WWOX: variants seen among roughly 807,000 people sequenced by gnomAD.
The protein encoded by WWOX is WW domain-containing oxidoreductase.
WWOX carries 69 observed loss-of-function variants against 46.2 expected under a neutral mutation model. The observed-to-expected ratio is 1.49, with a 90% CI of 1.23 to 1.82. The LOEUF (loss-of-function observed/expected upper bound fraction) is 1.82. Ranked by LOEUF, WWOX falls within the 40% of genes most tolerant of loss-of-function variation. The pLI, the probability that WWOX is intolerant of heterozygous loss-of-function variation, is 0.00. For missense variants in WWOX, 919 were observed against 542.6 expected, an observed-to-expected ratio of 1.69 and a Z score of -6.89; for synonymous variants, 359 against 202.6, an observed-to-expected ratio of 1.77 and a Z score of -6.56.
At chr16:78,396,449 C>G (rs965280126) in intron 6 of WWOX, among the ~76,000 whole-genome samples, 2 of 152,200 alleles carry the variant, frequency 1.3e-5, no homozygotes, top group Admixed American at 6.5e-5. Flanking sequence ...TTAACTATCA[C>G]TATCATCTTT....
chr16:78,982,441 G>A (rs761776107), intron 8 of WWOX, among the ~76,000 whole-genome samples: 2 of 152,156 alleles, frequency 1.3e-5, no homozygotes, highest in Non-Finnish European at 2.9e-5. Context: ...GTGAAATGTC[G>A]ACTGCATTCA....
At chr16:78,222,805 G>T (rs1197550356) in intron 5 of WWOX, among the ~76,000 whole-genome samples, 1 of 152,220 alleles carries the variant, frequency 6.6e-6, no homozygotes, top group Non-Finnish European at 1.5e-5. Context: ...AAGTATTTCA[G>T]TTTTATGGTG....
intron 5 of WWOX, among the ~76,000 whole-genome samples, chr16:78,299,521 CTTTTTTT>C (rs997647456): frequency 7.1e-6 from 1 of 141,826 alleles, no homozygotes; most frequent in African/African-American, 2.6e-5. Context: ...CTTTTCTTTT[CTTTTTTT>C]TTTTTTTGGA....
At chr16:78,943,520 C>T (rs946726081) in intron 8 of WWOX, among the ~76,000 whole-genome samples, 5 of 152,144 alleles carry the variant, frequency 3.3e-5, no homozygotes, top group East Asian at 1.9e-4. Context: ...ATGGGGTTAT[C>T]GAGCTTTATC....
At chr16:79,012,515 A>T (rs1366773963) in intron 8 of WWOX, among the ~76,000 whole-genome samples, 1 of 152,212 alleles carries the variant, frequency 6.6e-6, no homozygotes, top group African/African-American at 2.4e-5. Flanking sequence ...GATTACAGAC[A>T]AGAGCCACTG....
intron 8 of WWOX, among the ~76,000 whole-genome samples, chr16:79,128,930 C>T (rs1005248623): frequency 6.6e-6 from 1 of 152,148 alleles, no homozygotes; most frequent in Non-Finnish European, 1.5e-5. Flanking sequence ...GCCATTGTTG[C>T]CCAGTGTGAA....
chr16:78,591,554 A>T (rs1435323341), intron 8 of WWOX, among the ~76,000 whole-genome samples: 1 of 152,208 alleles, frequency 6.6e-6, no homozygotes, highest in Non-Finnish European at 1.5e-5. Flanking sequence ...CAATGTTAAC[A>T]TCAGGCAAAT....
chr16:78,671,286 G>A (rs916055888), intron 8 of WWOX, among the ~76,000 whole-genome samples: 3 of 152,154 alleles, frequency 2.0e-5, no homozygotes, highest in Non-Finnish European at 2.9e-5. Context: ...TGAGCCGGGT[G>A]TGGTGGGGCA....
chr16:78,402,054 T>C (rs2082424819), intron 6 of WWOX, among the ~76,000 whole-genome samples: 1 of 152,220 alleles, frequency 6.6e-6, no homozygotes, highest in African/African-American at 2.4e-5. Flanking sequence ...TTCACAAAGT[T>C]ACGTTACCAT....
chr16:78,307,879 TA>T (rs909296196), intron 5 of WWOX, among the ~76,000 whole-genome samples: 25 of 151,670 alleles, frequency 1.6e-4, no homozygotes, highest in Non-Finnish European at 2.5e-4. Flanking sequence ...GACTGTACCT[TA>T]AAAAAAAATC....
chr16:78,659,452 G>C (rs2047161720), intron 8 of WWOX, among the ~76,000 whole-genome samples: 1 of 152,104 alleles, frequency 6.6e-6, no homozygotes, highest in Non-Finnish European at 1.5e-5. Flanking sequence ...CAGAAACTCT[G>C]GGAGTAGGGC....
At chr16:78,673,549 C>T (rs1354167299) in intron 8 of WWOX, among the ~76,000 whole-genome samples, 2 of 152,120 alleles carry the variant, frequency 1.3e-5, no homozygotes, top group African/African-American at 2.4e-5. Flanking sequence ...AGAGAAGCTT[C>T]TGGATGGTTG....
At chr16:78,828,968 C>T (rs149812262) in intron 8 of WWOX, among the ~76,000 whole-genome samples, 1 of 152,340 alleles carries the variant, frequency 6.6e-6, no homozygotes, top group African/African-American at 2.4e-5. Context: ...CAAAGCGACA[C>T]AGCCATGAAT....
At chr16:78,536,429 G>A (rs527901076) in intron 8 of WWOX, among the ~76,000 whole-genome samples, 6 of 151,888 alleles carry the variant, frequency 4.0e-5, no homozygotes, top group South Asian at 2.1e-4. Context: ...GGGACTGGCC[G>A]ACAAGGCAGG....
intron 8 of WWOX, among the ~76,000 whole-genome samples, chr16:78,505,078 T>G (rs768686777): frequency 6.6e-6 from 1 of 152,122 alleles, no homozygotes; most frequent in Non-Finnish European, 1.5e-5. Flanking sequence ...CCTGAATTTT[T>G]CTGAGCCGCC....
At chr16:78,327,635 C>A (rs930832141) in intron 5 of WWOX, among the ~76,000 whole-genome samples, 1 of 152,274 alleles carries the variant, frequency 6.6e-6, no homozygotes, top group African/African-American at 2.4e-5. Context: ...ATTCCACAAT[C>A]TTCTATTTTT....
At chr16:78,351,230 C>T (rs936307391) in intron 5 of WWOX, among the ~76,000 whole-genome samples, 1 of 152,220 alleles carries the variant, frequency 6.6e-6, no homozygotes, top group Admixed American at 6.5e-5. Flanking sequence ...CCAACAAACA[C>T]TGCTCCCCGA....
chr16:78,250,835 C>T lies in WWOX; in HGVS notation c.516+86546C>T, dbSNP rs1487109286. Among the ~76,000 whole-genome samples the T allele has an allele frequency of 3.3e-5, 5 of 152,170 alleles. No homozygotes were observed. In the East Asian group the frequency reaches 9.6e-4, roughly 29 times the overall value. On this transcript the variant is annotated intron_variant, in intron 5 of 8. Transcript: ENST00000566780. ...CCTGCAAATGTCATGTGGTTTATATCACACCTTCACTTAACACCCTCCCCC... is the reference window on the plus strand; with the variant it reads ...CCTGCAAATGTCATGTGGTTTATATTACACCTTCACTTAACACCCTCCCCC...
intron 5 of WWOX, among the ~76,000 whole-genome samples, chr16:78,222,124 A>G (rs1348403504): frequency 2.0e-5 from 3 of 152,184 alleles, no homozygotes; most frequent in East Asian, 1.9e-4. Context: ...ACCAGAACCT[A>G]TTGTGTACTT....
Sources: allele counts gnomAD v4.1 joint callset (sites outside exome capture counted in the v4.1 genomes callset), GRCh38; gene constraint gnomAD v4.1.1; transcripts MANE v1.5; gene names NCBI Gene and HGNC (gene_info 2026-07-23, HGNC 2026-07-21).